Variants in MREG observed in about 807,000 individuals in gnomAD.
MREG encodes melanoregulin.
MREG carries 31 observed loss-of-function variants against 28.5 expected under a neutral mutation model. The observed-to-expected ratio is 1.09, with a 90% CI of 0.82 to 1.47. The LOEUF (loss-of-function observed/expected upper bound fraction) is 1.47. Among genes scored for constraint, MREG ranks in the 40% most tolerant of loss-of-function variants. MREG has a pLI of 0.00. For synonymous variants in MREG, 106 were observed against 95.2 expected (o/e 1.11, Z -0.66); for missense variants, 256 against 257.4 (o/e 0.99, Z 0.04).
chr2:215,985,548 C>G (rs1278990180), intron 2 of MREG, among the ~76,000 whole-genome samples: 5 of 152,092 alleles, frequency 3.3e-5, no homozygotes, highest in African/African-American at 1.2e-4. Context: ...TTTTTGACAC[C>G]AAATGACTTT....
At chr2:216,014,642 C>A, upstream of MREG, among the ~76,000 whole-genome samples, 1 of 137,368 alleles carries the variant, frequency 7.3e-6, no homozygotes, top group Admixed American at 7.6e-5. Context: ...GAGCAAGACT[C>A]CGTCTCAAAA....
At chr2:215,998,075 C>T (rs541228800) in intron 1 of MREG, among the ~76,000 whole-genome samples, 1 of 152,250 alleles carries the variant, frequency 6.6e-6, no homozygotes, top group East Asian at 1.9e-4. Flanking sequence ...GAGGCTGAGG[C>T]AGGTGGATCA....
At chr2:215,976,774 A>G (rs1483393450) in intron 2 of MREG, among the ~76,000 whole-genome samples, 1 of 152,224 alleles carries the variant, frequency 6.6e-6, no homozygotes, top group Non-Finnish European at 1.5e-5. Flanking sequence ...ATATCCAGCC[A>G]AACTAAGCTT....
At chr2:216,031,442 A>AAAGAAAAAGAAAGAAAGAAAGG (rs1559203829) in intron 1 of MREG, among the ~76,000 whole-genome samples, 223 of 138,424 alleles carry the variant, frequency 1.6e-3, no homozygotes, top group Non-Finnish European at 2.8e-3. Flanking sequence ...AGAAAGAAAG[A>AAAGAAAAAGAAAGAAAGAAAGG]AAAAGAAAGA....
chr2:215,998,979 G>A (rs1448425722), intron 1 of MREG, among the ~76,000 whole-genome samples: 4 of 152,214 alleles, frequency 2.6e-5, no homozygotes, highest in African/African-American at 9.7e-5. Flanking sequence ...TGTATGATGA[G>A]AAGGAAGTTC....
intron 1 of MREG, among the ~76,000 whole-genome samples, chr2:216,020,873 G>A (rs1048939185): frequency 1.4e-4 from 21 of 152,102 alleles, no homozygotes; most frequent in Admixed American, 6.6e-4. Flanking sequence ...CTCCCACTGC[G>A]TCCCTTAAAA....
rs1164326774 is a variant in MREG at position 216,010,354 on chromosome 2, C to CT, written c.95+2878dup. Among the ~76,000 whole-genome samples, 384 of 94,362 alleles carry CT rather than the reference C, an allele frequency of 4.1e-3. 18 individuals are homozygous for CT. The highest frequency in any genetic ancestry group is 8.4e-3 in the South Asian group (21 of 2,506). 61.9% of individuals were successfully genotyped at this position (94,362 alleles called of 152,430 possible). A position where few individuals can be genotyped will look rare whatever the true frequency, so the allele number is the denominator to read the frequency against. Reference sequence around the variant, plus strand: ...TAGAACTGTGAAAGAAAAGATTTCTCTTTTTTTTTTTTTTTTTTTTTGAGA... The same window carrying CT: ...TAGAACTGTGAAAGAAAAGATTTCTCTTTTTTTTTTTTTTTTTTTTTTGAGA... On this transcript the variant is annotated intron_variant, in intron 1 of 4. Coordinates refer to ENST00000263268, the MANE Select transcript of MREG (RefSeq NM_018000.3).
At chr2:216,027,497 G>T (rs1379615962) in intron 1 of MREG, among the ~76,000 whole-genome samples, 3 of 152,166 alleles carry the variant, frequency 2.0e-5, no homozygotes, top group African/African-American at 7.2e-5. Context: ...TTCGAGACCA[G>T]CCTGGCCAAC....
At chr2:216,019,114 A>T (rs1025231661) in intron 1 of MREG, among the ~76,000 whole-genome samples, 1 of 152,176 alleles carries the variant, frequency 6.6e-6, no homozygotes, top group Non-Finnish European at 1.5e-5. Flanking sequence ...CCGAAACAAG[A>T]TCTATTATTC....
intron 2 of MREG, among the ~76,000 whole-genome samples, chr2:215,952,935 T>C (rs1234296832): frequency 2.6e-5 from 4 of 152,158 alleles, no homozygotes; most frequent in African/African-American, 9.7e-5. Context: ...AAGAGTAACT[T>C]AGCTTTTCCT....
intron 1 of MREG, among the ~76,000 whole-genome samples, chr2:215,997,994 C>T (rs1247954933): frequency 6.6e-6 from 1 of 152,072 alleles, no homozygotes; most frequent in African/African-American, 2.4e-5. Flanking sequence ...GTCAGACTGC[C>T]AATCACCGCC....
intron 2 of MREG, among the ~76,000 whole-genome samples, chr2:215,971,890 G>A (rs1693110124): frequency 6.6e-6 from 1 of 152,176 alleles, no homozygotes; most frequent in Admixed American, 6.5e-5. Context: ...ATCTGCCAGC[G>A]AGAAGGGAGA....
intron 2 of MREG, among the ~76,000 whole-genome samples, chr2:215,949,077 AC>A (rs1559173514): frequency 0.031 from 3,702 of 119,254 alleles, 49 homozygotes; most frequent in East Asian, 0.071. Flanking sequence ...TACTACTACT[AC>A]TACTACTACT....
chr2:216,011,786 T>C (rs1694317845), intron 1 of MREG, among the ~76,000 whole-genome samples: 4 of 152,218 alleles, frequency 2.6e-5, no homozygotes, highest in Admixed American at 2.6e-4. Context: ...CTGGAAATAC[T>C]CAAGCCTCTG....
intron 1 of MREG, among the ~76,000 whole-genome samples, chr2:216,001,516 C>T (rs1694012778): frequency 6.6e-6 from 1 of 152,226 alleles, no homozygotes; most frequent in South Asian, 2.1e-4. Context: ...CAGCCTCCTC[C>T]ACTCTGCCCC....
intron 2 of MREG, among the ~76,000 whole-genome samples, chr2:215,954,249 C>T (rs1692559669): frequency 6.6e-6 from 1 of 152,162 alleles, no homozygotes; most frequent in African/African-American, 2.4e-5. Context: ...CAGGTTGAAT[C>T]CTTTTGGCTG....
In MREG at chr2:216,022,724, A is replaced by G. The variant is rs116340853; in HGVS notation, c.-68+10065T>C. On this transcript the variant is annotated intron_variant, in intron 1 of 3. Transcript: ENST00000420348. ...TTTCTGTGTTCTCCAAAGTCTCTCC[A>G]TATTATACCTAACCAAAATTAAACA... 6.9e-3 allele frequency among the ~76,000 whole-genome samples: 1,055 copies of G among 152,304 alleles called. 6 individuals carry two copies. Among genetic ancestry groups the G allele is most frequent in the African/African-American group, 0.024 (999 of 41,562 alleles).
At chr2:215,969,666 T>C (rs918535723) in intron 2 of MREG, among the ~76,000 whole-genome samples, 2 of 152,190 alleles carry the variant, frequency 1.3e-5, no homozygotes, top group South Asian at 2.1e-4. Flanking sequence ...GGAGACAGTA[T>C]GTCCACCTCC....
chr2:215,964,385 G>A lies in MREG; in HGVS notation c.256-17272C>T, dbSNP rs543963832. On this transcript the variant is annotated intron_variant, in intron 2 of 4. Transcript: ENST00000263268. Reference sequence around the variant, plus strand: ...TGTAGTCCCAGCTACTCAGGAGGCCGAGGCACCAGAATCGCTTGAACCCAG... The same window carrying A: ...TGTAGTCCCAGCTACTCAGGAGGCCAAGGCACCAGAATCGCTTGAACCCAG... Among the ~76,000 whole-genome samples, 9 of 152,228 alleles carry A rather than the reference G, an allele frequency of 5.9e-5. No individual in the cohort carries two copies. In the South Asian group the frequency reaches 1.5e-3, roughly 25 times the overall value.
Sources: allele counts gnomAD v4.1 joint callset (sites outside exome capture counted in the v4.1 genomes callset), GRCh38; gene constraint gnomAD v4.1.1; transcripts MANE v1.5; gene names NCBI Gene and HGNC (gene_info 2026-07-23, HGNC 2026-07-21).